PFDN1: variants seen among roughly 807,000 people sequenced by gnomAD.
PFDN1 encodes the protein prefoldin subunit 1, also known as prefoldin 1.
PFDN1 carries 6 observed loss-of-function variants against 17.3 expected under a neutral mutation model. The ratio of observed to expected loss-of-function variants is 0.35; its 90% CI spans 0.19 to 0.69. The LOEUF (loss-of-function observed/expected upper bound fraction) is 0.69. PFDN1 is among the 30% of genes least tolerant of loss of function. The pLI, the probability that PFDN1 is intolerant of heterozygous loss-of-function variation, is 0.65. For missense variants in PFDN1, 113 were observed against 146.2 expected (o/e 0.77, Z 1.17); for synonymous variants, 58 against 50.1 (o/e 1.16, Z -0.67).
chr5:140,298,194 A>C (rs932130946), intron 2 of PFDN1, among the ~76,000 whole-genome samples: 3 of 152,156 alleles, frequency 2.0e-5, no homozygotes, highest in Non-Finnish European at 2.9e-5. Context: ...TGAGAAAGCA[A>C]ATCAGATGAA....
chr5:140,261,161 CAAAAAAA>C (rs773165928), intron 3 of PFDN1, among the ~76,000 whole-genome samples: 1 of 48,024 alleles, frequency 2.1e-5, no homozygotes, highest in East Asian at 6.1e-4. Flanking sequence ...GACTCCATCT[CAAAAAAA>C]AAAAAAAAAA....
At chr5:140,300,942 T>TTGCA (rs1174438057) in intron 1 of PFDN1, among the ~76,000 whole-genome samples, 16 of 152,168 alleles carry the variant, frequency 1.1e-4, no homozygotes, top group African/African-American at 3.9e-4. Flanking sequence ...TATTGCACAA[T>TTGCA]TAGGTTTCAA....
intron 2 of PFDN1, among the ~76,000 whole-genome samples, chr5:140,290,426 C>A (rs2126698473): frequency 6.6e-6 from 1 of 152,226 alleles, no homozygotes; most frequent in African/African-American, 2.4e-5. Context: ...CTAGCAAACA[C>A]AGGGAGAAGG....
Position 140,254,789 on chromosome 5 carries a change from C to A in PFDN1, c.286-8732G>T, listed in dbSNP as rs1326911556. 1.3e-5 allele frequency among the ~76,000 whole-genome samples: 2 copies of A among 152,338 alleles called. No individual in the cohort carries two copies. The highest frequency in any genetic ancestry group is 4.8e-5 in the African/African-American group (2 of 41,582). On this transcript the variant is annotated intron_variant, in intron 3 of 3. Coordinates refer to ENST00000261813, the MANE Select transcript of PFDN1 (RefSeq NM_002622.5). This position sits in a 1 kb window ranked among gnomAD's most constrained non-coding sequence, Gnocchi z 4.4. ...GCATTTCTTCAACCTCGTCACGCAA[C>A]AACTTGTTCATTTTCCATTATGCTT...
intron 3 of PFDN1, among the ~76,000 whole-genome samples, chr5:140,280,675 A>T (rs1426263077): frequency 6.6e-6 from 1 of 152,178 alleles, no homozygotes; most frequent in East Asian, 1.9e-4. Context: ...TACTTACAGA[A>T]ATTAGATGAA....
intron 2 of PFDN1, among the ~76,000 whole-genome samples, chr5:140,286,215 C>T (rs541701512): frequency 9.3e-5 from 14 of 150,970 alleles, no homozygotes; most frequent in African/African-American, 2.9e-4. Flanking sequence ...GTTAGAGACC[C>T]GCCTGGCCAA....
intron 3 of PFDN1, among the ~76,000 whole-genome samples, chr5:140,256,742 T>G (rs935258373): frequency 2.1e-5 from 3 of 143,362 alleles, no homozygotes; most frequent in Non-Finnish European, 4.6e-5. Flanking sequence ...TTTTCCTCAA[T>G]CCCCACACCT....
chr5:140,278,795 G>GAA (rs1247136144), intron 3 of PFDN1, among the ~76,000 whole-genome samples: 1 of 152,078 alleles, frequency 6.6e-6, no homozygotes, highest in African/African-American at 2.4e-5. Context: ...CACAAAATTT[G>GAA]AACATCACAA....
At chr5:140,289,891 G>GACC (rs1765554518) in intron 2 of PFDN1, among the ~76,000 whole-genome samples, 1 of 151,952 alleles carries the variant, frequency 6.6e-6, no homozygotes, top group South Asian at 2.1e-4. Flanking sequence ...CTCTCATACT[G>GACC]ACCCTTCACC....
At chr5:140,301,145 G>A (rs1172461214) in intron 1 of PFDN1, among the ~76,000 whole-genome samples, 1 of 152,148 alleles carries the variant, frequency 6.6e-6, no homozygotes, top group Non-Finnish European at 1.5e-5. Flanking sequence ...GCACAAGGTT[G>A]AACAACTACT....
chr5:140,287,972 T>A (rs573602483), intron 2 of PFDN1, among the ~76,000 whole-genome samples: 1 of 152,330 alleles, frequency 6.6e-6, no homozygotes, highest in Admixed American at 6.5e-5. Flanking sequence ...GAAACTCTCA[T>A]CCACTGATGG....
At chr5:140,269,479 C>T (rs1251388574) in intron 3 of PFDN1, among the ~76,000 whole-genome samples, 3 of 152,016 alleles carry the variant, frequency 2.0e-5, no homozygotes, top group Admixed American at 2.0e-4. Flanking sequence ...CCACCACGCC[C>T]GGCTAATTTT....
chr5:140,271,938 A>AATACATATATACATAATATATATATTTAT (rs1165491064), intron 3 of PFDN1, among the ~76,000 whole-genome samples: 67 of 148,952 alleles, frequency 4.5e-4, no homozygotes, highest in Non-Finnish European at 8.6e-4. Context: ...ATATACATAA[A>AATACATATATACATAATATATATATTTAT]ATACATATAT....
At position 140,300,496 on chromosome 5, in the gene PFDN1, C is replaced by T. The variant is rs773406008; in HGVS notation, c.120G>A (p.Thr40=). 6.2e-6 allele frequency: 10 copies of T among 1,611,928 alleles called. No individual in the cohort carries two copies. The Admixed American group carries it at 1.2e-4, about 19-fold the overall frequency. The change falls in exon 2 of 4, where the codon ACG becomes ACA. Residue 40 remains threonine (T), a synonymous_variant. Coordinates refer to ENST00000261813, the MANE Select transcript of PFDN1 (RefSeq NM_002622.5). ...ADIQIEQLNR[T]KKHAHLTDTE... ...TATCTGTAAGATGTGCATGCTTTTT[C>T]GTTCTGTTTAGCTGTTCAATCTGTA... is the stretch of plus-strand genomic sequence containing the variant.
chr5:140,272,287 T>A (rs1476547029), intron 3 of PFDN1, among the ~76,000 whole-genome samples: 1 of 151,724 alleles, frequency 6.6e-6, no homozygotes, highest in East Asian at 1.9e-4. Context: ...CCCAAAGTGC[T>A]GGGATTACAG....
In PFDN1 at chr5:140,281,449, T is replaced by TTCTA. The variant is rs1765400695; in HGVS notation, c.281_284dup (p.Glu95AspfsTer13). ...ACTCCTATTGCCAATAAAAACTTAC[T>TTCTA]TCTAGTTCTTTAATTTTTTCTTCTG... On this transcript the variant is annotated frameshift_variant and splice_region_variant, in exon 3 of 4. Transcript: ENST00000261813. LOFTEE classifies it high-confidence loss of function. 1 of 1,417,844 alleles carries TTCTA rather than the reference T, an allele frequency of 7.1e-7. No individual in the cohort carries two copies. The highest frequency in any genetic ancestry group is 1.0e-6 in the Non-Finnish European group (1 of 1,002,914). 87.8% of individuals were successfully genotyped at this position (1,417,844 alleles called of 1,614,324 possible).
chr5:140,245,762 A>C lies in PFDN1; in HGVS notation c.*212T>G, dbSNP rs9042. ...TTCATCACACATCCCGAGAGGGAAG[A>C]GTGTCCTGGGCAGAGGTGGCAGGCA... On this transcript the variant is annotated 3_prime_UTR_variant, in exon 4 of 4. Coordinates refer to ENST00000261813, the MANE Select transcript of PFDN1 (RefSeq NM_002622.5). 0.21 allele frequency: 130,104 copies of C among 610,394 alleles called. 14,540 individuals are homozygous for C. Among genetic ancestry groups the C allele is most frequent in the East Asian group, 0.28 (10,132 of 36,572 alleles). 37.8% of individuals were successfully genotyped at this position (610,394 alleles called of 1,614,324 possible). A position where few individuals can be genotyped will look rare whatever the true frequency, so the allele number is the denominator to read the frequency against.
intron 3 of PFDN1, among the ~76,000 whole-genome samples, chr5:140,249,555 T>C (rs1764882003): frequency 6.6e-6 from 1 of 152,184 alleles, no homozygotes; most frequent in South Asian, 2.1e-4. Flanking sequence ...ACGGGTGTCT[T>C]AGTCTGTTTG....
intron 3 of PFDN1, among the ~76,000 whole-genome samples, chr5:140,267,802 T>C (rs922496071): frequency 1.3e-5 from 2 of 151,220 alleles, no homozygotes; most frequent in South Asian, 4.2e-4. Flanking sequence ...GAAAGAATCA[T>C]TTTCCGTGTC....
Sources: allele counts gnomAD v4.1 joint callset (sites outside exome capture counted in the v4.1 genomes callset), GRCh38; gene constraint gnomAD v4.1.1; non-coding constraint Gnocchi (gnomAD v3.1); transcripts MANE v1.5; gene names NCBI Gene and HGNC (gene_info 2026-07-23, HGNC 2026-07-21).